Variants in NUDT3 observed in about 807,000 individuals in gnomAD.
NUDT3 encodes diphosphoinositol polyphosphate phosphohydrolase 1.
A neutral mutation model predicts 23.6 loss-of-function variants in NUDT3; 9 were observed. The ratio of observed to expected loss-of-function variants is 0.38; its 90% CI spans 0.23 to 0.66. The LOEUF (loss-of-function observed/expected upper bound fraction) is 0.66. NUDT3 is among the 30% of genes least tolerant of loss of function. The pLI is 0.52. For missense variants in NUDT3, 172 were observed against 218.5 expected, an observed-to-expected ratio of 0.79 and a Z score of 1.34; for synonymous variants, 86 against 82.6, an observed-to-expected ratio of 1.04 and a Z score of -0.22.
intron 2 of NUDT3, among the ~76,000 whole-genome samples, chr6:34,306,978 G>C (rs552066747): frequency 2.6e-5 from 4 of 152,288 alleles, no homozygotes; most frequent in Admixed American, 2.0e-4. Flanking sequence ...ACACAGAAAT[G>C]AGTGTATTTA....
At chr6:34,388,119 T>C (rs1256248816) in intron 1 of NUDT3, among the ~76,000 whole-genome samples, 1 of 152,210 alleles carries the variant, frequency 6.6e-6, no homozygotes, top group Non-Finnish European at 1.5e-5. Context: ...TCACATGCTG[T>C]ACAGTTTTGC....
chr6:34,364,882 G>A (rs923712390), intron 1 of NUDT3, among the ~76,000 whole-genome samples: 10 of 151,988 alleles, frequency 6.6e-5, no homozygotes, highest in Non-Finnish European at 8.8e-5. Context: ...TTAGCCGGGC[G>A]CGGTGGCGGG....
intron 2 of NUDT3, among the ~76,000 whole-genome samples, chr6:34,323,501 A>AG (rs1374368513): frequency 3.9e-5 from 6 of 152,190 alleles, no homozygotes; most frequent in Non-Finnish European, 8.8e-5. Flanking sequence ...TGGGCGGTAG[A>AG]CGTGACAGTA....
chr6:34,297,756 TATA>T lies in NUDT3; in HGVS notation c.211-2074_211-2072del, dbSNP rs796207942. ...ATATATATATATATATATATATATA[TATA>T]ATTTTTTTTTTTTTTTTAGTAGAGA... is the stretch of plus-strand genomic sequence containing the variant. On this transcript the variant is annotated intron_variant, in intron 2 of 4. Transcript: ENST00000607016. 6.6e-3 allele frequency among the ~76,000 whole-genome samples: 525 copies of T among 79,668 alleles called. 12 individuals are homozygous for T. The highest frequency in any genetic ancestry group is 0.029 in the South Asian group (72 of 2,470). 52.3% of individuals were successfully genotyped at this position (79,668 alleles called of 152,430 possible). A position where few individuals can be genotyped will look rare whatever the true frequency, so the allele number is the denominator to read the frequency against.
chr6:34,392,485 CT>C lies in NUDT3; in HGVS notation c.-124del. ...CAAGGGAAGCAGGGAGGGGGAGCTT[CT>C]CCGCTACACGGCTCCGCCGCTGGCC... On this transcript the variant is annotated 5_prime_UTR_variant, in exon 1 of 5. Coordinates refer to ENST00000607016, the MANE Select transcript of NUDT3 (RefSeq NM_006703.4). The C allele has an allele frequency of 1.7e-6, 1 of 597,524 alleles. No individual in the cohort carries two copies. Among genetic ancestry groups the C allele is most frequent in the Admixed American group, 3.4e-5 (1 of 29,350 alleles). 37.0% of individuals were successfully genotyped at this position (597,524 alleles called of 1,614,324 possible).
Position 34,360,237 on chromosome 6 carries a change from C to CAA in NUDT3, c.100-18267_100-18266dup, listed in dbSNP as rs34629409. 1.3e-3 allele frequency among the ~76,000 whole-genome samples: 66 copies of CAA among 50,346 alleles called. 1 individual carries two copies. Among genetic ancestry groups the CAA allele is most frequent in the African/African-American group, 2.7e-3 (42 of 15,546 alleles). The allele number at this position is 50,346 out of a possible 152,430, so 33.0% of individuals were successfully genotyped here. A position where few individuals can be genotyped will look rare whatever the true frequency, so the allele number is the denominator to read the frequency against. On this transcript the variant is annotated intron_variant, in intron 1 of 4. Transcript: ENST00000607016. ...TGGGAAACAGAGTGAGACCCTGTCTCAAAAAAAAAAAAAAAAAAAAAGCTA... is the reference window on the plus strand; with the variant it reads ...TGGGAAACAGAGTGAGACCCTGTCTCAAAAAAAAAAAAAAAAAAAAAAAGCTA...
rs1763366313 is a variant in NUDT3 at position 34,288,492 on chromosome 6, G to T, written c.*261C>A. On this transcript the variant is annotated 3_prime_UTR_variant, in exon 5 of 5. Transcript: ENST00000607016. Reference sequence around the variant, plus strand: ...TTGGCCTCTCTTCAGAGGACTGCAGGGGTGGGAAGAGGGAGGGACAGATCA... The same window carrying T: ...TTGGCCTCTCTTCAGAGGACTGCAGTGGTGGGAAGAGGGAGGGACAGATCA... 2 of 390,120 alleles carry T rather than the reference G, an allele frequency of 5.1e-6. No homozygotes were observed. Among genetic ancestry groups the T allele is most frequent in the Non-Finnish European group, 9.1e-6 (2 of 219,872 alleles). 24.2% of individuals were successfully genotyped at this position (390,120 alleles called of 1,614,324 possible). A position where few individuals can be genotyped will look rare whatever the true frequency, so the allele number is the denominator to read the frequency against.
chr6:34,314,884 A>G (rs1207930477), intron 2 of NUDT3, among the ~76,000 whole-genome samples: 1 of 152,170 alleles, frequency 6.6e-6, no homozygotes, highest in East Asian at 1.9e-4. Flanking sequence ...GGACAAGAAA[A>G]TTGATATCTA....
chr6:34,355,378 C>T lies in NUDT3; in HGVS notation c.100-13406G>A, dbSNP rs140885918. On this transcript the variant is annotated intron_variant, in intron 1 of 4. Coordinates refer to ENST00000607016, the MANE Select transcript of NUDT3 (RefSeq NM_006703.4). ...AGCCTTGTATTTTTGGAATAAATCA[C>T]AGTTAGTCACGATGTATTATTCTTT... 7.2e-5 allele frequency among the ~76,000 whole-genome samples: 11 copies of T among 152,086 alleles called. No individual in the cohort carries two copies. The East Asian group carries it at 2.1e-3, about 29-fold the overall frequency.
At chr6:34,332,131 T>C (rs1303913683) in intron 2 of NUDT3, among the ~76,000 whole-genome samples, 2 of 152,136 alleles carry the variant, frequency 1.3e-5, no homozygotes. Context: ...AGCCACCATG[T>C]CCGGTGGGTA....
intron 1 of NUDT3, among the ~76,000 whole-genome samples, chr6:34,353,744 C>T (rs1476376318): frequency 6.6e-6 from 1 of 151,870 alleles, no homozygotes; most frequent in East Asian, 1.9e-4. Flanking sequence ...GTTCTGTCAC[C>T]CAGGCTGGAG....
Position 34,306,360 on chromosome 6 carries a change from C to G in NUDT3, c.211-10675G>C, listed in dbSNP as rs117322315. ...TTAAGAGAAAGCTGTTAAGTGGCAA[C>G]AAGGCCGGATAAGTTACATTTGTCT... On this transcript the variant is annotated intron_variant, in intron 2 of 4. Coordinates refer to ENST00000607016, the MANE Select transcript of NUDT3 (RefSeq NM_006703.4). Among the ~76,000 whole-genome samples, 327 of 152,314 alleles carry G rather than the reference C, an allele frequency of 2.1e-3. 1 individual carries two copies. The highest frequency in any genetic ancestry group is 0.011 in the East Asian group (57 of 5,188).
intron 2 of NUDT3, among the ~76,000 whole-genome samples, chr6:34,300,728 G>C (rs907777789): frequency 5.3e-5 from 8 of 152,194 alleles, no homozygotes; most frequent in Non-Finnish European, 1.2e-4. Flanking sequence ...GGGCTTTCAT[G>C]TTTCCCACAT....
intron 2 of NUDT3, among the ~76,000 whole-genome samples, chr6:34,320,571 A>G (rs537695285): frequency 3.4e-4 from 51 of 152,174 alleles, no homozygotes; most frequent in East Asian, 2.3e-3. Context: ...CAGTGACTTA[A>G]CGCCTGTAAT....
In NUDT3 at chr6:34,286,586, A is replaced by G. The variant is rs1763336853; in HGVS notation, c.*2167T>C. On this transcript the variant is annotated 3_prime_UTR_variant, in exon 5 of 5. Transcript: ENST00000607016. ...AAAAGAAACAGTGTGTTCGTTTTTA[A>G]GAAGGATGTGTGAATAGTAAGTTGG... 6.6e-6 allele frequency: 1 copy of G among 152,030 alleles called. No homozygotes were observed. Among genetic ancestry groups the G allele is most frequent in the Non-Finnish European group, 1.5e-5 (1 of 68,006 alleles). 9.4% of individuals were successfully genotyped at this position (152,030 alleles called of 1,614,324 possible). A position where few individuals can be genotyped will look rare whatever the true frequency, so the allele number is the denominator to read the frequency against.
chr6:34,384,645 C>G (rs1765075466), intron 1 of NUDT3, among the ~76,000 whole-genome samples: 2 of 152,110 alleles, frequency 1.3e-5, no homozygotes, highest in African/African-American at 4.8e-5. Context: ...TATCATATTA[C>G]CCAATTTTGG....
rs763127871 is a variant in NUDT3 at position 34,313,162 on chromosome 6, G to A, written c.211-17477C>T. On this transcript the variant is annotated intron_variant, in intron 2 of 4. Coordinates refer to ENST00000607016, the MANE Select transcript of NUDT3 (RefSeq NM_006703.4). Reference sequence around the variant, plus strand: ...TGCACTCCGGCCTGGGTGACAGAGCGAGACCTTGTCTCTGAAAAAAAAACC... The same window carrying A: ...TGCACTCCGGCCTGGGTGACAGAGCAAGACCTTGTCTCTGAAAAAAAAACC... Among the ~76,000 whole-genome samples, 9 of 152,120 alleles carry A rather than the reference G, an allele frequency of 5.9e-5. No homozygotes were observed. The East Asian group carries it at 1.5e-3, about 26-fold the overall frequency.
intron 2 of NUDT3, among the ~76,000 whole-genome samples, chr6:34,307,559 G>A (rs1763700788): frequency 6.6e-6 from 1 of 152,182 alleles, no homozygotes; most frequent in South Asian, 2.1e-4. Flanking sequence ...CTGGGCAACA[G>A]TGGGAGAACC....
chr6:34,359,859 G>A (rs1253361272), intron 1 of NUDT3, among the ~76,000 whole-genome samples: 2 of 152,128 alleles, frequency 1.3e-5, no homozygotes, highest in Non-Finnish European at 2.9e-5. Flanking sequence ...CACAGCAGCT[G>A]AGCCATTCTG....
Sources: gnomAD v4.1 joint callset for allele counts (sites outside exome capture counted in the v4.1 genomes callset) on GRCh38, gnomAD v4.1.1 for gene constraint, MANE v1.5 for transcripts, NCBI Gene and HGNC (gene_info 2026-07-23, HGNC 2026-07-21) for gene names.